The following ZMAT5 variants were observed in gnomAD, a reference collection of about 807,000 sequenced individuals.
ZMAT5 encodes the protein zinc finger matrin-type 5.
In ZMAT5, 23 loss-of-function variants were observed where a neutral mutation model predicts 28.0. The ratio of observed to expected loss-of-function variants is 0.82; its 90% CI spans 0.59 to 1.16. The LOEUF is 1.16. Ranked by LOEUF, ZMAT5 falls within the 50% of genes most tolerant of loss-of-function variation. The pLI is 0.00. For missense variants in ZMAT5, 173 were observed against 212.7 expected, an observed-to-expected ratio of 0.81 and a Z score of 1.16; for synonymous variants, 76 against 84.1, an observed-to-expected ratio of 0.90 and a Z score of 0.52.
intron 1 of ZMAT5, among the ~76,000 whole-genome samples, chr22:29,753,688 CA>C (rs1011835061): frequency 6.6e-6 from 1 of 151,938 alleles, no homozygotes; most frequent in Non-Finnish European, 1.5e-5. Flanking sequence ...GACTCCCTCT[CA>C]AAAAAAGCAA....
chr22:29,748,841 T>C (rs1454762852), intron 1 of ZMAT5, among the ~76,000 whole-genome samples: 1 of 152,196 alleles, frequency 6.6e-6, no homozygotes, highest in Non-Finnish European at 1.5e-5. Flanking sequence ...TGAGAGGGTG[T>C]TGCTCTGTCA....
intron 1 of ZMAT5, chr22:29,758,857 C>G (rs909663594): frequency 2.0e-5 from 3 of 152,292 alleles, no homozygotes; most frequent in African/African-American, 7.2e-5. Flanking sequence ...TGACTAGCCT[C>G]TAAAAAAGAG....
Position 29,748,553 on chromosome 22 carries a change from A to G in ZMAT5, c.-9T>C. 1 of 1,614,106 alleles carries G rather than the reference A, an allele frequency of 6.2e-7. No homozygotes were observed. The highest frequency in any genetic ancestry group is 8.5e-7 in the Non-Finnish European group (1 of 1,180,022). On this transcript the variant is annotated 5_prime_UTR_variant, in exon 2 of 6. Coordinates refer to ENST00000344318, the MANE Select transcript of ZMAT5 (RefSeq NM_001003692.2). ...AAGTATCGCTTCCCCATGGCCACTC[A>G]GAGCAGGTGCTTTGCTGCCTGGGAA...
At chr22:29,732,394 G>T (rs1243831628) in intron 5 of ZMAT5, among the ~76,000 whole-genome samples, 1 of 152,180 alleles carries the variant, frequency 6.6e-6, no homozygotes, top group Non-Finnish European at 1.5e-5. Context: ...CAATAGCCGT[G>T]AGACAATGGA....
At chr22:29,735,248 C>T (rs1005169735) in intron 5 of ZMAT5, among the ~76,000 whole-genome samples, 20 of 152,210 alleles carry the variant, frequency 1.3e-4, no homozygotes, top group African/African-American at 4.8e-4. Context: ...CAGGAATAAA[C>T]GGTCACCTCC....
In ZMAT5 at chr22:29,737,539, G is replaced by C. The variant is rs569016650; in HGVS notation, c.383+791C>G. Reference sequence around the variant, plus strand: ...TAGTCAGGTCTGAAGCCCGTTGCAAGATGGGGAAAGCAAGGTAGTCGGGAT... The same window carrying C: ...TAGTCAGGTCTGAAGCCCGTTGCAACATGGGGAAAGCAAGGTAGTCGGGAT... On this transcript the variant is annotated intron_variant, in intron 5 of 5. Transcript: ENST00000344318. Among the ~76,000 whole-genome samples the C allele has an allele frequency of 5.3e-5, 8 of 152,362 alleles. No individual in the cohort carries two copies. The South Asian group carries it at 1.7e-3, about 32-fold the overall frequency.
chr22:29,746,425 C>CTGT (rs1283305404), intron 2 of ZMAT5: 1 of 152,208 alleles, frequency 6.6e-6, no homozygotes, highest in Non-Finnish European at 1.5e-5. Context: ...GCTGGGATTA[C>CTGT]AGGCATGAGC....
intron 1 of ZMAT5, among the ~76,000 whole-genome samples, chr22:29,761,248 G>A (rs575285722): frequency 2.7e-4 from 37 of 135,076 alleles, no homozygotes; most frequent in Admixed American, 2.3e-3. Context: ...ACTCTAGCCT[G>A]GTGAGAGTGA....
At chr22:29,732,493 T>G (rs970523867) in intron 5 of ZMAT5, among the ~76,000 whole-genome samples, 3 of 152,056 alleles carry the variant, frequency 2.0e-5, no homozygotes, top group Non-Finnish European at 4.4e-5. Context: ...ATCCCAGCGC[T>G]TTGGGAGGCC....
intron 1 of ZMAT5, among the ~76,000 whole-genome samples, chr22:29,756,533 G>A (rs140133): frequency 6.6e-6 from 1 of 151,930 alleles, no homozygotes; most frequent in Non-Finnish European, 1.5e-5. Context: ...GCAGCGAGGG[G>A]CCCACCCACT....
intron 5 of ZMAT5, among the ~76,000 whole-genome samples, chr22:29,735,841 C>G (rs1160015642): frequency 6.6e-6 from 1 of 152,212 alleles, no homozygotes; most frequent in East Asian, 1.9e-4. Context: ...TCCCCCAAGT[C>G]TCAAATTCAT....
chr22:29,733,072 GAGGTGCA>G (rs1235381219), intron 5 of ZMAT5, among the ~76,000 whole-genome samples: 1 of 152,228 alleles, frequency 6.6e-6, no homozygotes, highest in African/African-American at 2.4e-5. Context: ...TGAGGAAACT[GAGGTGCA>G]AGGAGTCAGT....
intron 1 of ZMAT5, among the ~76,000 whole-genome samples, chr22:29,761,801 A>G (rs935831726): frequency 1.3e-5 from 2 of 152,218 alleles, no homozygotes; most frequent in African/African-American, 4.8e-5. Context: ...AGTAATTGAT[A>G]TTAGAGTTGT....
intron 1 of ZMAT5, among the ~76,000 whole-genome samples, chr22:29,760,027 C>T (rs2068141161): frequency 6.6e-6 from 1 of 152,014 alleles, no homozygotes; most frequent in Non-Finnish European, 1.5e-5. Flanking sequence ...ATGGTGAAAC[C>T]CCATCTCTAC....
chr22:29,765,736 C>T (rs1989133810), intron 1 of ZMAT5, among the ~76,000 whole-genome samples: 1 of 152,058 alleles, frequency 6.6e-6, no homozygotes, highest in South Asian at 2.1e-4. Flanking sequence ...GGCATGGTGG[C>T]AGGCGCCTGT....
At chr22:29,751,271 G>C (rs888158346) in intron 1 of ZMAT5, among the ~76,000 whole-genome samples, 4 of 152,156 alleles carry the variant, frequency 2.6e-5, no homozygotes, top group Non-Finnish European at 5.9e-5. Context: ...GCATTGAAAA[G>C]CTGCCTGTGT....
At chr22:29,740,469 C>T (rs1040511783) in intron 4 of ZMAT5, among the ~76,000 whole-genome samples, 181 bp downstream of exon 4, 2 of 152,142 alleles carry the variant, frequency 1.3e-5, no homozygotes, top group African/African-American at 2.4e-5. Flanking sequence ...CTTCTCCACT[C>T]ATGCTGAAGC....
intron 1 of ZMAT5, among the ~76,000 whole-genome samples, chr22:29,762,141 T>C (rs960613968): frequency 6.6e-6 from 1 of 152,216 alleles, no homozygotes; most frequent in African/African-American, 2.4e-5. Flanking sequence ...AAATCAAATA[T>C]ATTAAATTTA....
At chr22:29,754,863 C>T (rs1433063811) in intron 1 of ZMAT5, among the ~76,000 whole-genome samples, 3 of 152,088 alleles carry the variant, frequency 2.0e-5, no homozygotes, top group Non-Finnish European at 4.4e-5. Context: ...TGACAGAGAC[C>T]CTGTCTCAAA....
Sources: gnomAD v4.1 joint callset for allele counts (sites outside exome capture counted in the v4.1 genomes callset) on GRCh38, gnomAD v4.1.1 for gene constraint, MANE v1.5 for transcripts, NCBI Gene and HGNC (gene_info 2026-07-23, HGNC 2026-07-21) for gene names.